Variants in CHD4 observed in about 807,000 individuals in gnomAD.
CHD4 encodes the protein ATP-dependent chromatin remodeler CHD4.
Under a neutral mutation model 235.5 loss-of-function variants are expected in CHD4, and 35 were observed. The ratio of observed to expected loss-of-function variants is 0.15; its 90% CI spans 0.11 to 0.20. CHD4 has a LOEUF of 0.20. Among genes scored for constraint, CHD4 ranks in the 10% least tolerant of loss-of-function variants. The pLI, the probability that CHD4 is intolerant of heterozygous loss-of-function variation, is 1.00. For missense variants in CHD4, 1,329 were observed against 2,432.3 expected (o/e 0.55, Z 9.54); for synonymous variants, 900 against 850.2 (o/e 1.06, Z -1.02).
intron 38 of CHD4, chr12:6,571,521 A>G (rs908297974): frequency 2.6e-5 from 4 of 155,370 alleles, no homozygotes; most frequent in African/African-American, 7.2e-5. Context: ...AAGAACCTGA[A>G]TATGTTTAAA....
intron 3 of CHD4, 40 bp downstream of exon 3, chr12:6,602,336 T>G (rs11064278): frequency 1.9e-6 from 3 of 1,610,920 alleles, no homozygotes; most frequent in Admixed American, 3.4e-5. Context: ...GCTCCTCCCT[T>G]CTTCCTCTGA....
At position 6,597,905 on chromosome 12, in the gene CHD4, G is replaced by A; in HGVS notation, c.1881C>T (p.Ile627=). The change falls in exon 12 of 40, where the codon ATC becomes ATT. Residue 627 remains isoleucine (I), a synonymous_variant. Transcript: ENST00000544040. ...IKPEWMMIHR[I]LNHSVDKKGH... Reference sequence around the variant, plus strand: ...TGCTCAGCTGGTACCTGTGGTTGAGGATTCGGTGGATCATCATCCACTCGG... The same window carrying A: ...TGCTCAGCTGGTACCTGTGGTTGAGAATTCGGTGGATCATCATCCACTCGG... 6.2e-7 allele frequency: 1 copy of A among 1,614,182 alleles called. No homozygotes were observed. The highest frequency in any genetic ancestry group is 8.5e-7 in the Non-Finnish European group (1 of 1,180,006).
chr12:6,601,378 A>G lies in CHD4; in HGVS notation c.710T>C (p.Val237Ala). 1 of 1,614,044 alleles carries G rather than the reference A, an allele frequency of 6.2e-7. No individual in the cohort carries two copies. The highest frequency in any genetic ancestry group is 8.5e-7 in the Non-Finnish European group (1 of 1,179,996). ...CTCAGTGGCTGTCACCATGCTCTCC[A>G]CCACAGCTACCGCTGCTGCTGCCGC... ...AAAAAAAVAV[V>A]ESMVTATEVA... is the part of the protein sequence containing the mutation. The change falls in exon 6 of 40, where the codon GTG (valine) becomes GCG (alanine). Residue 237 changes from valine to alanine, a missense_variant. This residue lies in a region of CHD4 where 160 missense variants were observed against 196.6 expected (regional missense o/e 0.81). Coordinates refer to ENST00000544040, the MANE Select transcript of CHD4 (RefSeq NM_001273.5).
intron 19 of CHD4, 75 bp downstream of exon 19, chr12:6,592,318 T>C: frequency 6.6e-7 from 1 of 1,504,410 alleles, no homozygotes; most frequent in Non-Finnish European, 8.9e-7. Flanking sequence ...TGAAGCTGAG[T>C]GGGGGAGGAA....
intron 33 of CHD4, 109 bp downstream of exon 33, chr12:6,580,935 A>T (rs1948174319): frequency 8.3e-7 from 1 of 1,205,608 alleles, no homozygotes; most frequent in Admixed American, 2.1e-5. Flanking sequence ...CGAACCTGGG[A>T]GGTGGAGGTT....
At chr12:6,597,857 A>C (rs1565615465) in intron 12 of CHD4, 37 bp downstream of exon 12, 3 of 1,566,428 alleles carry the variant, frequency 1.9e-6, no homozygotes, top group African/African-American at 1.4e-5. Context: ...GGACTCTCCC[A>C]CGGAGACTGC....
chr12:6,602,524 G>A (rs1235350208), intron 2 of CHD4, 27 bp from the exon 3 acceptor site: 7 of 1,607,458 alleles, frequency 4.4e-6, no homozygotes, highest in South Asian at 1.1e-5. Flanking sequence ...AAGAGTGGTA[G>A]GCAGGGAAAA....
intron 33 of CHD4, chr12:6,579,374 C>T: frequency 5.4e-6 from 1 of 186,722 alleles, no homozygotes; most frequent in Non-Finnish European, 1.1e-5. Flanking sequence ...CTCTTGAGGT[C>T]AGGAGTTCAT....
intron 10 of CHD4, 43 bp downstream of exon 10, chr12:6,599,730 T>C (rs766220922): frequency 1.9e-6 from 3 of 1,613,142 alleles, no homozygotes; most frequent in Non-Finnish European, 2.5e-6. Context: ...TAGAAAAGAC[T>C]ACACTTTCCC....
chr12:6,583,626 G>C (rs772623855), intron 25 of CHD4: 1 of 437,960 alleles, frequency 2.3e-6, no homozygotes, highest in South Asian at 5.9e-5. Flanking sequence ...TCACAGGTAA[G>C]GATGAAGAGA....
At chr12:6,599,674 A>G (rs1948556827) in intron 10 of CHD4, 99 bp downstream of exon 10, 1 of 1,464,254 alleles carries the variant, frequency 6.8e-7, no homozygotes, top group Non-Finnish European at 9.4e-7. Flanking sequence ...CAGGGCTGAA[A>G]AGCTCATAGT....
At chr12:6,600,441 TCCCCCCA>T (rs1948568601) in intron 8 of CHD4, 46 bp from the exon 9 acceptor site, 2 of 1,600,692 alleles carry the variant, frequency 1.2e-6, no homozygotes, top group Admixed American at 1.7e-5. Context: ...AAAAACTACC[TCCCCCCA>T]CCCCCCGACC....
Position 6,606,279 on chromosome 12 carries a change from TG to T in CHD4, c.94del (p.His32ThrfsTer170). ...GCCCTTGGGGAAGATGTTACCTGGG[TG>T]GGGTGGGGGCAGGCTGTTGTTCAAA... The part of the protein sequence containing the change: ...ALLNNSLPPP[H>X]PENEEDPEED... On this transcript the variant is annotated frameshift_variant, in exon 2 of 40. Coordinates refer to ENST00000544040, the MANE Select transcript of CHD4 (RefSeq NM_001273.5). LOFTEE classifies it high-confidence loss of function. 1 of 1,573,048 alleles carries T rather than the reference TG, an allele frequency of 6.4e-7. No individual in the cohort carries two copies. The highest frequency in any genetic ancestry group is 8.6e-7 in the Non-Finnish European group (1 of 1,158,164).
Position 6,581,360 on chromosome 12 carries a change from G to A in CHD4, c.4710C>T (p.Ser1570=). The A allele has an allele frequency of 1.2e-6, 2 of 1,614,008 alleles. No individual in the cohort carries two copies. Among genetic ancestry groups the A allele is most frequent in the Non-Finnish European group, 1.7e-6 (2 of 1,179,960 alleles). Residue 1570 remains serine (S), a synonymous_variant, in exon 32 of 40, where the codon AGC becomes AGT. Coordinates refer to ENST00000544040, the MANE Select transcript of CHD4 (RefSeq NM_001273.5). ...AEDGIKIEEN[S]LKEEESIEGE... is the part of the protein sequence containing the mutation. Reference sequence around the variant, plus strand: ...CTTCTATGCTCTCTTCTTCTTTGAGGCTATTTTCCTCTATTTTTATCCCAT... The same window carrying A: ...CTTCTATGCTCTCTTCTTCTTTGAGACTATTTTCCTCTATTTTTATCCCAT...
intron 22 of CHD4, chr12:6,591,122 C>CAA (rs35011913): frequency 0.017 from 428 of 25,560 alleles, 46 homozygotes; most frequent in Non-Finnish European, 0.018. Context: ...GACTCCATCT[C>CAA]AAAAAAAAAA....
rs981885839 is a variant in CHD4 at position 6,598,009 on chromosome 12, C to T, written c.1777G>A (p.Glu593Lys). ...PPSGDFGGDE[E>K]KSRKRKNKDP... ...TTGTTCTTTCGCTTTCGGCTTTTCT[C>T]TTCATCACCACCAAAGTCCCCAGAA... is the stretch of plus-strand genomic sequence containing the variant. Residue 593 changes from glutamate to lysine, a missense_variant, in exon 12 of 40, where the codon GAG becomes AAG. By Grantham distance (56) the Glu-to-Lys change is moderately conservative (BLOSUM62 1). Transcript: ENST00000544040. 1.2e-6 allele frequency: 2 copies of T among 1,614,236 alleles called. No homozygotes were observed. The highest frequency in any genetic ancestry group is 2.7e-5 in the African/African-American group (2 of 75,064).
chr12:6,598,517 G>T, intron 10 of CHD4, 92 bp from the exon 11 acceptor site: 1 of 1,129,704 alleles, frequency 8.9e-7, no homozygotes, highest in Non-Finnish European at 1.3e-6. Context: ...GGACGATTCA[G>T]ATCTCATTTC....
chr12:6,574,594 A>G (rs1243538035), intron 37 of CHD4, among the ~76,000 whole-genome samples: 3 of 152,228 alleles, frequency 2.0e-5, no homozygotes, highest in Admixed American at 6.5e-5. Context: ...CAGCAGTTCT[A>G]TGCAGATGAT....
chr12:6,595,478 A>C (rs1196561500), intron 13 of CHD4, 48 bp from the exon 14 acceptor site: 2 of 1,551,062 alleles, frequency 1.3e-6, no homozygotes, highest in Non-Finnish European at 1.8e-6. Context: ...TTTTCTATAG[A>C]AGAAACAACT....
Sources: gnomAD v4.1 joint callset for allele counts (sites outside exome capture counted in the v4.1 genomes callset) on GRCh38, gnomAD v4.1.1 for gene constraint, gnomAD v4.1.1 regional missense constraint, MANE v1.5 for transcripts, NCBI Gene and HGNC (gene_info 2026-07-23, HGNC 2026-07-21) for gene names.